The following ZBTB21 variants were observed in gnomAD, a reference collection of about 807,000 sequenced individuals.
ZBTB21 encodes the protein zinc finger and BTB domain-containing protein 21.
Under a neutral mutation model 39.8 loss-of-function variants are expected in ZBTB21, and 10 were observed. The ratio of observed to expected loss-of-function variants is 0.25; its 90% CI spans 0.16 to 0.43. The LOEUF is 0.43. Among genes scored for constraint, ZBTB21 ranks in the 20% least tolerant of loss-of-function variants. The probability of loss-of-function intolerance (pLI) is 1.00; values close to 1 mark genes in which losing one functional copy is unlikely to be tolerated. For missense variants in ZBTB21, 1,221 were observed against 1,296.3 expected, an observed-to-expected ratio of 0.94 and a Z score of 0.89; for synonymous variants, 551 against 498.8, an observed-to-expected ratio of 1.10 and a Z score of -1.40.
rs549785041 is a variant in ZBTB21, at chr21:41,987,264, A to G, written c.*3631T>C. 1 of 152,336 alleles carries G rather than the reference A, an allele frequency of 6.6e-6. No homozygotes were observed. Among genetic ancestry groups the G allele is most frequent in the East Asian group, 1.9e-4 (1 of 5,184 alleles). 9.4% of individuals were successfully genotyped at this position (152,336 alleles called of 1,614,324 possible). ...AAGACTGTCTCTAAAAGGAATTTTT[A>G]AAAACACCTGACATTGTAACTCATT... On this transcript the variant is annotated 3_prime_UTR_variant, in exon 3 of 3. Transcript: ENST00000310826.
At chr21:42,009,541 G>A (rs1457354976) in intron 1 of ZBTB21, 1 of 152,340 alleles carries the variant, frequency 6.6e-6, no homozygotes, top group African/African-American at 2.4e-5. Flanking sequence ...CTGGCCGGCG[G>A]AGGGTGCTAT....
intron 2 of ZBTB21, among the ~76,000 whole-genome samples, chr21:41,995,667 G>C (rs549479773): frequency 6.6e-6 from 1 of 152,344 alleles, no homozygotes; most frequent in East Asian, 1.9e-4. Flanking sequence ...AGGAGGAGCC[G>C]AATGTTAGTC....
chr21:42,008,787 AAAAT>A (rs2065916627), intron 1 of ZBTB21, among the ~76,000 whole-genome samples: 1 of 152,202 alleles, frequency 6.6e-6, no homozygotes, highest in Admixed American at 6.5e-5. Context: ...TTAAAAAGGA[AAAAT>A]AAACAAAAAG....
intron 1 of ZBTB21, among the ~76,000 whole-genome samples, chr21:42,005,141 T>G (rs1366498216): frequency 6.6e-6 from 1 of 152,212 alleles, no homozygotes; most frequent in Non-Finnish European, 1.5e-5. Flanking sequence ...CAAGCTCCTT[T>G]GCACCTTAGC....
chr21:41,991,233 GA>G lies in ZBTB21; in HGVS notation c.2862del (p.His955ThrfsTer142). On this transcript the variant is annotated frameshift_variant, in exon 3 of 3. Transcript: ENST00000310826. LOFTEE classifies it high-confidence loss of function. This position sits in a 1 kb window ranked among gnomAD's most constrained non-coding sequence, Gnocchi z 4.9. The part of the protein sequence containing the change: ...KAFRTNFRLW[S>X]HFQSHMSQAS... Reference sequence around the variant, plus strand: ...GCCTGAGACATGTGCGATTGGAAGTGACTCCAGAGTCGAAAATTAGTGCGAA... The same window carrying G: ...GCCTGAGACATGTGCGATTGGAAGTGCTCCAGAGTCGAAAATTAGTGCGAA... 1 of 1,614,214 alleles carries G rather than the reference GA, an allele frequency of 6.2e-7. No individual in the cohort carries two copies.
chr21:41,994,464 C>T (rs889189231), intron 2 of ZBTB21, among the ~76,000 whole-genome samples: 7 of 152,230 alleles, frequency 4.6e-5, no homozygotes, highest in African/African-American at 1.7e-4. Context: ...CTATTCCTTA[C>T]CAATTCAGAA....
At chr21:42,005,104 G>A (rs1569114874) in intron 1 of ZBTB21, among the ~76,000 whole-genome samples, 1 of 152,216 alleles carries the variant, frequency 6.6e-6, no homozygotes, top group African/African-American at 2.4e-5. Context: ...GCCACATTCA[G>A]GAGAATGATC....
chr21:42,004,149 G>A (rs886126459), intron 1 of ZBTB21, among the ~76,000 whole-genome samples: 4 of 151,960 alleles, frequency 2.6e-5, no homozygotes, highest in Admixed American at 1.3e-4. Flanking sequence ...ACAGGCGCCA[G>A]CCACCAGGAC....
At chr21:42,005,329 C>T (rs2065866178) in intron 1 of ZBTB21, among the ~76,000 whole-genome samples, 1 of 152,192 alleles carries the variant, frequency 6.6e-6, no homozygotes, top group African/African-American at 2.4e-5. Context: ...CAAAGCCAAA[C>T]CAATCAGAAA....
chr21:42,002,985 C>G (rs1158438561), intron 1 of ZBTB21, 24 bp from the exon 2 acceptor site: 1 of 152,238 alleles, frequency 6.6e-6, no homozygotes, highest in East Asian at 1.9e-4. Context: ...ATGAGAGAAT[C>G]TTTATGGTTA....
intron 2 of ZBTB21, among the ~76,000 whole-genome samples, chr21:41,998,318 A>G (rs1460343488): frequency 6.6e-6 from 1 of 151,250 alleles, no homozygotes. Flanking sequence ...CAGCCTCCTG[A>G]GTAGCTGGGA....
rs762186664 is a variant in ZBTB21 at position 41,992,811 on chromosome 21, T to C, written c.1285A>G (p.Ile429Val). The change falls in exon 3 of 3, where the codon ATA (isoleucine) becomes GTA (valine). Residue 429 changes from isoleucine to valine, a missense_variant. Transcript: ENST00000310826. The surrounding 1 kb of genome is among the most constrained non-coding windows in gnomAD (Gnocchi z 4.1). ...EGASPVTEVRIKTEPSSPLSD... is the reference protein window; with the variant it reads ...EGASPVTEVRVKTEPSSPLSD... ...AGCGGGCTGCTGGGCTCAGTCTTTATGCGCACCTCAGTCACAGGGGAAGCT... is the reference window on the plus strand; with the variant it reads ...AGCGGGCTGCTGGGCTCAGTCTTTACGCGCACCTCAGTCACAGGGGAAGCT... 6 of 1,614,018 alleles carry C rather than the reference T, an allele frequency of 3.7e-6. No individual in the cohort carries two copies. Among genetic ancestry groups the C allele is most frequent in the South Asian group, 3.3e-5 (3 of 91,088 alleles).
chr21:42,005,363 T>C (rs913387184), intron 1 of ZBTB21, among the ~76,000 whole-genome samples: 1 of 152,234 alleles, frequency 6.6e-6, no homozygotes, highest in African/African-American at 2.4e-5. Context: ...ATATGAATCC[T>C]GAGAAGAATG....
Position 41,990,987 on chromosome 21 carries a change from T to C in ZBTB21, c.3109A>G (p.Ile1037Val), listed in dbSNP as rs1173665121. The C allele has an allele frequency of 1.3e-6, 2 of 1,539,146 alleles. No individual in the cohort carries two copies. The highest frequency in any genetic ancestry group is 2.1e-5 in the Admixed American group (1 of 46,894). Residue 1037 changes from isoleucine (I) to valine (V), a missense_variant, in exon 3 of 3, where the codon ATC becomes GTC. Coordinates refer to ENST00000310826, the MANE Select transcript of ZBTB21 (RefSeq NM_001098402.2). ...CACATAAACTGTCTTTTAAATGTGA[T>C]TGCTGAAAGGGGTGGGGCATGGTAA... is the stretch of plus-strand genomic sequence containing the variant. ...LFYHAPPLSA[I>V]TFKRQFMCKL...
chr21:42,008,270 C>T (rs1283824389), intron 1 of ZBTB21, among the ~76,000 whole-genome samples: 1 of 141,772 alleles, frequency 7.1e-6, no homozygotes, highest in African/African-American at 2.7e-5. Context: ...CTTTGGGAGA[C>T]CAAGTGGGGT....
Position 41,989,532 on chromosome 21 carries a change from T to C in ZBTB21, c.*1363A>G, listed in dbSNP as rs368061733. The C allele has an allele frequency of 2.6e-5, 4 of 152,262 alleles. No individual in the cohort carries two copies. The highest frequency in any genetic ancestry group is 2.1e-4 in the South Asian group (1 of 4,828). The allele number at this position is 152,262 out of a possible 1,614,324, so 9.4% of individuals were successfully genotyped here. ...AACTCCCACCCCCACAAGTAAAAGT[T>C]TTCCCTTTTGAAACACATTGAACTT... On this transcript the variant is annotated 3_prime_UTR_variant, in exon 3 of 3. Coordinates refer to ENST00000310826, the MANE Select transcript of ZBTB21 (RefSeq NM_001098402.2).
chr21:41,994,222 T>C lies in ZBTB21; in HGVS notation c.-13-114A>G, dbSNP rs8128507. 1,580 of 820,158 alleles carry C rather than the reference T, an allele frequency of 1.9e-3. 14 individuals are homozygous for C. The African/African-American group carries it at 0.022, about 12-fold the overall frequency. The allele number at this position is 820,158 out of a possible 1,614,324, so 50.8% of individuals were successfully genotyped here. ...ATAGGTACCAATATTTAGCAGACCGTAGGCTAACAGAAGCTCTATGAATGA... is the reference window on the plus strand; with the variant it reads ...ATAGGTACCAATATTTAGCAGACCGCAGGCTAACAGAAGCTCTATGAATGA... On this transcript the variant is annotated intron_variant, in intron 2 of 2. Transcript: ENST00000310826.
Position 41,993,607 on chromosome 21 carries a change from A to T in ZBTB21, c.489T>A (p.Val163=), listed in dbSNP as rs747943478. 8 of 1,614,196 alleles carry T rather than the reference A, an allele frequency of 5.0e-6. No homozygotes were observed. The highest frequency in any genetic ancestry group is 2.2e-5 in the East Asian group (1 of 44,882). Residue 163 remains valine, a synonymous_variant, in exon 3 of 3, where the codon GTT becomes GTA. Transcript: ENST00000310826. ...QSRNEAQGKT[V]SQNQPDVSHT... ...GGCTTACATCGGGTTGATTTTGACTAACAGTTTTTCCTTGCGCTTCGTTTC... is the reference window on the plus strand; with the variant it reads ...GGCTTACATCGGGTTGATTTTGACTTACAGTTTTTCCTTGCGCTTCGTTTC...
intron 1 of ZBTB21, 74 bp downstream of exon 1, chr21:42,010,178 G>C: frequency 2.5e-6 from 1 of 393,250 alleles, no homozygotes; most frequent in Non-Finnish European, 4.5e-6. Flanking sequence ...GAAAGGCCGC[G>C]TTTTGCGGGG....
Sources: gnomAD v4.1 joint callset for allele counts (sites outside exome capture counted in the v4.1 genomes callset) on GRCh38, gnomAD v4.1.1 for gene constraint, Gnocchi (gnomAD v3.1) non-coding constraint, MANE v1.5 for transcripts, NCBI Gene and HGNC (gene_info 2026-07-23, HGNC 2026-07-21) for gene names.